C19orf67: variants seen among roughly 807,000 people sequenced by gnomAD.
The protein encoded by C19orf67 is UPF0575 protein C19orf67.
A neutral mutation model predicts 41.4 loss-of-function variants in C19orf67; 28 were observed. That is an observed-to-expected ratio of 0.68 (90% CI 0.50 to 0.93). C19orf67 has a LOEUF of 0.93. Ranked by LOEUF, C19orf67 falls within the 40% of genes least tolerant of loss-of-function variation. The probability of loss-of-function intolerance (pLI) is 0.00; values close to 1 mark genes in which losing one functional copy is unlikely to be tolerated. For synonymous variants in C19orf67, 242 were observed against 203.4 expected (o/e 1.19, Z -1.62); for missense variants, 421 against 467.0 (o/e 0.90, Z 0.91).
chr19:14,085,728 G>A lies in C19orf67; in HGVS notation c.-101C>T. On this transcript the variant is annotated 5_prime_UTR_variant, in exon 1 of 6. Transcript: ENST00000548523. Reference sequence around the variant, plus strand: ...CCCCGGGAGCCTCCGACTGGCCCCTGCCTTGACCTCTCCACCGGAGCCGCG... The same window carrying A: ...CCCCGGGAGCCTCCGACTGGCCCCTACCTTGACCTCTCCACCGGAGCCGCG... 1 of 833,970 alleles carries A rather than the reference G, an allele frequency of 1.2e-6. No homozygotes were observed. The highest frequency in any genetic ancestry group is 1.9e-6 in the Non-Finnish European group (1 of 538,336). The allele number at this position is 833,970 out of a possible 1,614,324, so 51.7% of individuals were successfully genotyped here.
chr19:14,085,411 G>T lies in C19orf67; in HGVS notation c.217C>A (p.Pro73Thr), dbSNP rs1429464710. ...ASTSSPKPLVPRPGPAPPRLS... is the reference protein window; with the variant it reads ...ASTSSPKPLVTRPGPAPPRLS... Reference sequence around the variant, plus strand: ...CGGGGAGGTGCTGGCCCAGGCCGGGGGACCAGAGGTTTGGGGGAAGACGTG... The same window carrying T: ...CGGGGAGGTGCTGGCCCAGGCCGGGTGACCAGAGGTTTGGGGGAAGACGTG... The change falls in exon 1 of 6, where the codon CCC becomes ACC. Residue 73 changes from proline to threonine, a missense_variant. Physicochemically the swap from Pro to Thr is conservative, Grantham distance 38 (BLOSUM62 -1). Coordinates refer to ENST00000548523, the MANE Select transcript of C19orf67 (RefSeq NM_001277378.2). 1 of 1,536,084 alleles carries T rather than the reference G, an allele frequency of 6.5e-7. No homozygotes were observed. The highest frequency in any genetic ancestry group is 2.0e-5 in the Admixed American group (1 of 51,002).
rs1026777802 is a variant in C19orf67, at chr19:14,085,259, A to G, written c.335+34T>C. ...TGTCGCCTCCCCTCCAAGTCTCCTT[A>G]CCCATGGGGACCTGGGACCCTGTCC... On this transcript the variant is annotated intron_variant, in intron 1 of 5. Transcript: ENST00000548523. 1.6e-5 allele frequency: 25 copies of G among 1,518,608 alleles called. No homozygotes were observed. In the African/African-American group the frequency reaches 3.4e-4, roughly 21 times the overall value. The allele number at this position is 1,518,608 out of a possible 1,614,324, so 94.1% of individuals were successfully genotyped here.
In C19orf67 at chr19:14,083,740, C is replaced by T. The variant is rs866503413; in HGVS notation, c.473G>A (p.Arg158Gln). ...TAAGAAACCTCCACACACCCCCTTTCGGACCAGCTCCTGCAGGGGTCCATA... is the reference window on the plus strand; with the variant it reads ...TAAGAAACCTCCACACACCCCCTTTTGGACCAGCTCCTGCAGGGGTCCATA... Reference protein sequence around the residue: ...PIYGPLQELVRKGLLEISQQL... With the variant: ...PIYGPLQELVQKGLLEISQQL... Residue 158 changes from arginine to glutamine, a missense_variant, in exon 2 of 6, where the codon CGA (arginine) becomes CAA (glutamine). Physicochemically the swap from Arg to Gln is conservative, Grantham distance 43 (BLOSUM62 1). Transcript: ENST00000548523. The T allele has an allele frequency of 2.3e-5, 33 of 1,449,186 alleles. 1 individual carries two copies. The Middle Eastern group carries it at 2.0e-3, about 87-fold the overall frequency. 89.8% of individuals were successfully genotyped at this position (1,449,186 alleles called of 1,614,324 possible).
chr19:14,084,775 T>C (rs1026115202), intron 1 of C19orf67, among the ~76,000 whole-genome samples: 1 of 152,146 alleles, frequency 6.6e-6, no homozygotes, highest in Non-Finnish European at 1.5e-5. Context: ...AGGCGGAGGT[T>C]GCAGTGAGCT....
In C19orf67 at chr19:14,083,249, G is replaced by A. The variant is rs1223539919; in HGVS notation, c.755C>T (p.Ser252Phe). The change falls in exon 4 of 6, where the codon TCC becomes TTC. Residue 252 changes from serine to phenylalanine, a missense_variant. Physicochemically the swap from Ser to Phe is radical, Grantham distance 155. Coordinates refer to ENST00000548523, the MANE Select transcript of C19orf67 (RefSeq NM_001277378.2). ...TAAGAGGACTTACTAATCCACAAGG[G>A]AATCTTGTCCCCGACCAGGGGCCTC... is the stretch of plus-strand genomic sequence containing the variant. ...TPEAPGRGQD[S>F]LVDYYFLCYR... 6.5e-7 allele frequency: 1 copy of A among 1,535,890 alleles called. No individual in the cohort carries two copies. Among genetic ancestry groups the A allele is most frequent in the Non-Finnish European group, 8.7e-7 (1 of 1,146,854 alleles).
rs1239666883 is a variant in C19orf67 at position 14,083,816 on chromosome 19, C to T, written c.397G>A (p.Glu133Lys). 2.1e-6 allele frequency: 3 copies of T among 1,414,392 alleles called. No individual in the cohort carries two copies. Among genetic ancestry groups the T allele is most frequent in the Non-Finnish European group, 2.8e-6 (3 of 1,085,374 alleles). The allele number at this position is 1,414,392 out of a possible 1,614,324, so 87.6% of individuals were successfully genotyped here. A position where few individuals can be genotyped will look rare whatever the true frequency, so the allele number is the denominator to read the frequency against. Residue 133 changes from glutamate to lysine, a missense_variant, in exon 2 of 6, where the codon GAG (glutamate) becomes AAG (lysine). Glu to Lys is a moderately conservative substitution (Grantham distance 56). Around this residue, in one of 3 missense-constraint regions of C19orf67, gnomAD observed 253 missense variants for 307.0 expected, o/e 0.82. Transcript: ENST00000548523. ...GCCTCCAGGTACAGGAAGTAGGGCT[C>T]ACACATCTGTAAGAAGGTGGGCATG... ...KAMPTFLQMC[E>K]PYFLYLEAAA...
At position 14,085,372 on chromosome 19, in the gene C19orf67, T is replaced by C; in HGVS notation, c.256A>G (p.Thr86Ala). ...TGTTGGGTGATGGGGCTGAACAAAG[T>C]GTCCAGGGATAGGCGGGGAGGTGCT... ...GPAPPRLSLD[T>A]LFSPITQQLR... The change falls in exon 1 of 6, where the codon ACT (threonine) becomes GCT (alanine). Residue 86 changes from threonine to alanine, a missense_variant. Thr to Ala is a moderately conservative substitution (Grantham distance 58). Around this residue, in one of 3 missense-constraint regions of C19orf67, gnomAD observed 160 missense variants for 139.2 expected, o/e 1.15. Coordinates refer to ENST00000548523, the MANE Select transcript of C19orf67 (RefSeq NM_001277378.2). 1 of 1,536,172 alleles carries C rather than the reference T, an allele frequency of 6.5e-7. No individual in the cohort carries two copies. The highest frequency in any genetic ancestry group is 1.7e-4 in the Middle Eastern group (1 of 5,988).
At chr19:14,082,695 C>A in intron 4 of C19orf67, 92 bp from the exon 5 acceptor site, 1 of 1,271,028 alleles carries the variant, frequency 7.9e-7, no homozygotes, top group Non-Finnish European at 1.1e-6. Context: ...GGGAACTCAT[C>A]AGAAGTTGCC....
chr19:14,085,077 C>T (rs1017671046), intron 1 of C19orf67, among the ~76,000 whole-genome samples: 1 of 152,214 alleles, frequency 6.6e-6, no homozygotes, highest in Non-Finnish European at 1.5e-5. Flanking sequence ...ACCCCAGGCC[C>T]ACACTGCCAC....
chr19:14,085,547 C>G lies in C19orf67; in HGVS notation c.81G>C (p.Gly27=), dbSNP rs999472516. The change falls in exon 1 of 6, where the codon GGG becomes GGC. Residue 27 remains glycine, a synonymous_variant. Transcript: ENST00000548523. ...TGGAGGGGTCTCCGCAGGGCGGCGT[C>G]CCAGGTTCCAAGGCGTCTGGAGGCG... ...ETPPPDALEP[G]TPPCGDPSRS... is the part of the protein sequence containing the mutation. 2.6e-6 allele frequency: 4 copies of G among 1,535,220 alleles called. No homozygotes were observed. In the African/African-American group the frequency reaches 5.5e-5, roughly 21 times the overall value.
In C19orf67 at chr19:14,085,561, C is replaced by T. The variant is rs1331299169; in HGVS notation, c.67G>A (p.Ala23Thr). Residue 23 changes from alanine (A) to threonine (T), a missense_variant, in exon 1 of 6, where the codon GCC (alanine) becomes ACC (threonine). Coordinates refer to ENST00000548523, the MANE Select transcript of C19orf67 (RefSeq NM_001277378.2). The stretch of plus-strand genomic sequence containing the variant: ...CAGGGCGGCGTCCCAGGTTCCAAGG[C>T]GTCTGGAGGCGGTGTTTCTCCAGGG... ...LDPGETPPPDALEPGTPPCGD... is the reference protein window; with the variant it reads ...LDPGETPPPDTLEPGTPPCGD... The T allele has an allele frequency of 5.2e-6, 8 of 1,535,268 alleles. No homozygotes were observed. Among genetic ancestry groups the T allele is most frequent in the Non-Finnish European group, 7.0e-6 (8 of 1,146,616 alleles).
At position 14,085,673 on chromosome 19, in the gene C19orf67, C is replaced by T; in HGVS notation, c.-46G>A. Reference sequence around the variant, plus strand: ...ACCTGAGCTCTTTAAGCTTCCGCTGCTGCTCAGGTTGGCCGCGGGTTCGAC... The same window carrying T: ...ACCTGAGCTCTTTAAGCTTCCGCTGTTGCTCAGGTTGGCCGCGGGTTCGAC... On this transcript the variant is annotated 5_prime_UTR_variant, in exon 1 of 6. Coordinates refer to ENST00000548523, the MANE Select transcript of C19orf67 (RefSeq NM_001277378.2). 1 of 1,416,642 alleles carries T rather than the reference C, an allele frequency of 7.1e-7. No individual in the cohort carries two copies. Among genetic ancestry groups the T allele is most frequent in the Non-Finnish European group, 9.6e-7 (1 of 1,042,398 alleles). The allele number at this position is 1,416,642 out of a possible 1,614,324, so 87.8% of individuals were successfully genotyped here. A position where few individuals can be genotyped will look rare whatever the true frequency, so the allele number is the denominator to read the frequency against.
chr19:14,081,918 C>T lies in C19orf67; in HGVS notation c.993G>A (p.Leu331=). 1.3e-6 allele frequency: 2 copies of T among 1,534,218 alleles called. No homozygotes were observed. The highest frequency in any genetic ancestry group is 8.7e-7 in the Non-Finnish European group (1 of 1,145,686). ...CTGCCTGGCCCGTGAGGATCTGCAC[C>T]AGCAGGTCGGTGGCCAGCGTGGGCG... ...EPTPTLATDL[L]VQILTGQAGQ... is the part of the protein sequence containing the mutation. The change falls in exon 6 of 6, where the codon CTG becomes CTA. Residue 331 remains leucine, a synonymous_variant. Coordinates refer to ENST00000548523, the MANE Select transcript of C19orf67 (RefSeq NM_001277378.2).
rs915688225 is a variant in C19orf67, at chr19:14,085,155, A to G, written c.335+138T>C. 1.1e-4 allele frequency: 70 copies of G among 666,400 alleles called. 1 individual carries two copies. In the Admixed American group the frequency reaches 1.8e-3, roughly 17 times the overall value. 41.3% of individuals were successfully genotyped at this position (666,400 alleles called of 1,614,324 possible). ...TCCTCATTCTCTTAAACTGGATTCTAATATGCTAGCTTCTTCCACTGTCTC... is the reference window on the plus strand; with the variant it reads ...TCCTCATTCTCTTAAACTGGATTCTGATATGCTAGCTTCTTCCACTGTCTC... On this transcript the variant is annotated intron_variant, in intron 1 of 5. Transcript: ENST00000548523.
In C19orf67 at chr19:14,083,299, C is replaced by G. The variant is rs1351874513; in HGVS notation, c.705G>C (p.Met235Ile). 1 of 1,536,076 alleles carries G rather than the reference C, an allele frequency of 6.5e-7. No homozygotes were observed. Among genetic ancestry groups the G allele is most frequent in the South Asian group, 1.2e-5 (1 of 84,068 alleles). ...SRFPRYLYKK[M>I]RWHLEATPEA... ...CTGGGGTGGCTTCCAGGTGCCAGCG[C>G]ATCTTCTTATAGAGGTAGCGGGGGA... is the stretch of plus-strand genomic sequence containing the variant. The change falls in exon 4 of 6, where the codon ATG becomes ATC. Residue 235 changes from methionine to isoleucine, a missense_variant. This residue lies in a region of C19orf67 where 253 missense variants were observed against 307.0 expected (regional missense o/e 0.82). Coordinates refer to ENST00000548523, the MANE Select transcript of C19orf67 (RefSeq NM_001277378.2).
In C19orf67 at chr19:14,083,692, C is replaced by A. The variant is rs758013683; in HGVS notation, c.480+41G>T. On this transcript the variant is annotated intron_variant, in intron 2 of 5. Transcript: ENST00000548523. Reference sequence around the variant, plus strand: ...CACCATCCCCACAGGCTCAGAGCTGCGAGAAGAAAGGGGCGTGGGGTCTAA... The same window carrying A: ...CACCATCCCCACAGGCTCAGAGCTGAGAGAAGAAAGGGGCGTGGGGTCTAA... 6.0e-6 allele frequency: 9 copies of A among 1,503,180 alleles called. No homozygotes were observed. In the African/African-American group the frequency reaches 1.3e-4, roughly 21 times the overall value. 93.1% of individuals were successfully genotyped at this position (1,503,180 alleles called of 1,614,324 possible). A position where few individuals can be genotyped will look rare whatever the true frequency, so the allele number is the denominator to read the frequency against.
rs574645791 is a variant in C19orf67, at chr19:14,085,472, T to G, written c.156A>C (p.Glu52Asp). ...RPGNPSEPDP[E>D]DAEGRLAEAR... ...CCTCAGCCAGCCGCCCCTCGGCATCTTCAGGATCCGGCTCAGATGGGTTCC... is the reference window on the plus strand; with the variant it reads ...CCTCAGCCAGCCGCCCCTCGGCATCGTCAGGATCCGGCTCAGATGGGTTCC... The change falls in exon 1 of 6, where the codon GAA (glutamate) becomes GAC (aspartate). Residue 52 changes from glutamate (E) to aspartate (D), a missense_variant. Around this residue, in one of 3 missense-constraint regions of C19orf67, gnomAD observed 160 missense variants for 139.2 expected, o/e 1.15. Coordinates refer to ENST00000548523, the MANE Select transcript of C19orf67 (RefSeq NM_001277378.2). 3.4e-4 allele frequency: 528 copies of G among 1,535,492 alleles called. 2 individuals are homozygous for G. The African/African-American group carries it at 6.0e-3, about 17-fold the overall frequency.
In C19orf67 at chr19:14,083,367, T is replaced by C; in HGVS notation, c.637A>G (p.Ile213Val). 6.5e-7 allele frequency: 1 copy of C among 1,535,702 alleles called. No homozygotes were observed. The highest frequency in any genetic ancestry group is 8.7e-7 in the Non-Finnish European group (1 of 1,146,718). ...GCGGTTGGGGCACAGTATCTGAAGA[T>C]GGAGACCTCATGGGACAGGCTGATG... ...FSISLSHEVS[I>V]FRYCAPTAYT... is the part of the protein sequence containing the mutation. The change falls in exon 4 of 6, where the codon ATC (isoleucine) becomes GTC (valine). Residue 213 changes from isoleucine (I) to valine (V), a missense_variant. By Grantham distance (29) the Ile-to-Val change is conservative. This residue lies in a region of C19orf67 where 253 missense variants were observed against 307.0 expected (regional missense o/e 0.82). Transcript: ENST00000548523.
intron 2 of C19orf67, 26 bp from the exon 3 acceptor site, chr19:14,083,631 A>G (rs1976806478): frequency 6.5e-7 from 1 of 1,533,730 alleles, no homozygotes; most frequent in South Asian, 1.2e-5. Context: ...GGGTACAGTG[A>G]GATCAGCTGG....
Sources: allele counts gnomAD v4.1 joint callset (sites outside exome capture counted in the v4.1 genomes callset), GRCh38; gene constraint gnomAD v4.1.1; regional missense constraint gnomAD v4.1.1; transcripts MANE v1.5; gene names NCBI Gene and HGNC (gene_info 2026-07-23, HGNC 2026-07-21).